Variants in TPTE observed in about 807,000 individuals in gnomAD.
TPTE encodes transmembrane phosphatase with tensin homology.
TPTE carries 59 observed loss-of-function variants against 84.1 expected under a neutral mutation model. The ratio of observed to expected loss-of-function variants is 0.70; its 90% CI spans 0.57 to 0.87. The LOEUF (loss-of-function observed/expected upper bound fraction) is 0.87, where lower values mean the gene tolerates loss of function less well. Among genes scored for constraint, TPTE ranks in the 40% least tolerant of loss-of-function variants. TPTE has a pLI of 0.00. For missense variants in TPTE, 382 were observed against 659.6 expected (o/e 0.58, Z 4.61); for synonymous variants, 130 against 223.5 (o/e 0.58, Z 3.73).
At chr21:10,542,722 AGG>A (rs2074393494) in intron 6 of TPTE, among the ~76,000 whole-genome samples, 73 of 152,384 alleles carry the variant, frequency 4.8e-4, no homozygotes, top group Admixed American at 4.6e-4. Context: ...ATTTACTCTC[AGG>A]AGCCTGCATG....
intron 19 of TPTE, among the ~76,000 whole-genome samples, chr21:10,594,831 C>T (rs2145785138): frequency 6.6e-6 from 1 of 152,430 alleles, no homozygotes; most frequent in Non-Finnish European, 1.5e-5. Flanking sequence ...AGAGTGCCCT[C>T]TGTGTCTGGT....
chr21:10,584,848 A>G (rs561787441), intron 17 of TPTE, among the ~76,000 whole-genome samples: 1 of 152,430 alleles, frequency 6.6e-6, no homozygotes, highest in South Asian at 2.1e-4. Context: ...ATCAAAGGAA[A>G]AGCTTTCAAC....
At chr21:10,550,359 C>T (rs184003680) in intron 7 of TPTE, among the ~76,000 whole-genome samples, 599 of 152,202 alleles carry the variant, frequency 3.9e-3, no homozygotes, top group Non-Finnish European at 6.2e-3. Flanking sequence ...GGTATAGAAA[C>T]ACATAGACTG....
chr21:10,549,173 C>A (rs2074526484), intron 7 of TPTE, among the ~76,000 whole-genome samples: 1 of 152,306 alleles, frequency 6.6e-6, no homozygotes, highest in Admixed American at 6.5e-5. Context: ...CATGTAGAAC[C>A]AAGGCCGGTA....
intron 14 of TPTE, among the ~76,000 whole-genome samples, chr21:10,570,929 A>G (rs973729160): frequency 2.0e-5 from 3 of 152,310 alleles, no homozygotes; most frequent in African/African-American, 7.2e-5. Flanking sequence ...CTCGACTGAA[A>G]GAGCCACTGC....
intron 8 of TPTE, among the ~76,000 whole-genome samples, chr21:10,553,727 T>TA (rs372757289): frequency 3.8e-3 from 580 of 152,168 alleles, no homozygotes; most frequent in African/African-American, 0.013. Context: ...GGATTTATAG[T>TA]AAAAGCTGGA....
intron 4 of TPTE, among the ~76,000 whole-genome samples, chr21:10,539,970 C>G (rs754976166): frequency 6.6e-6 from 1 of 152,308 alleles, no homozygotes; most frequent in African/African-American, 2.4e-5. Context: ...GATCATGCCA[C>G]TGCACTCCAG....
intron 21 of TPTE, among the ~76,000 whole-genome samples, chr21:10,599,582 G>A (rs2075651058): frequency 6.6e-6 from 1 of 152,302 alleles, no homozygotes; most frequent in Non-Finnish European, 1.5e-5. Context: ...CACTAAATAA[G>A]TGTTATATGT....
In TPTE at chr21:10,561,055, C is replaced by T. The variant is rs370278673; in HGVS notation, c.310C>T (p.Leu104=). Residue 104 remains leucine (L), a synonymous_variant, in exon 10 of 24, where the codon CTG becomes TTG. Coordinates refer to ENST00000618007, the MANE Select transcript of TPTE (RefSeq NM_199261.4). ...FGLFGVFLVL[L]DVTLILADLI... is the part of the protein sequence containing the mutation. The stretch of plus-strand genomic sequence containing the variant: ...ACTATTTGGAGTTTTCCTGGTCTTA[C>T]TGGATGTCACTCTCATCCTTGCCGA... 1.2e-6 allele frequency: 2 copies of T among 1,612,054 alleles called. No homozygotes were observed. Among genetic ancestry groups the T allele is most frequent in the East Asian group, 2.2e-5 (1 of 44,876 alleles).
intron 7 of TPTE, among the ~76,000 whole-genome samples, chr21:10,545,720 T>C (rs2074453848): frequency 6.6e-6 from 1 of 151,306 alleles, no homozygotes. Flanking sequence ...ATATGTAATA[T>C]ATATAGATAT....
At chr21:10,566,766 C>T (rs866620988) in intron 10 of TPTE, among the ~76,000 whole-genome samples, 17 of 152,412 alleles carry the variant, frequency 1.1e-4, no homozygotes, top group African/African-American at 3.6e-4. Flanking sequence ...CACCTGAAGT[C>T]GGGAGTTCGA....
At chr21:10,594,460 T>C (rs1372852951) in intron 19 of TPTE, among the ~76,000 whole-genome samples, 39 of 152,288 alleles carry the variant, frequency 2.6e-4, no homozygotes, top group African/African-American at 7.7e-4. Context: ...TCTTTGTTTG[T>C]AGTGAGTGCC....
At chr21:10,597,098 T>TA (rs571148958) in intron 20 of TPTE, among the ~76,000 whole-genome samples, 221 of 152,056 alleles carry the variant, frequency 1.5e-3, no homozygotes, top group African/African-American at 5.2e-3. Flanking sequence ...AGGAAAGCAA[T>TA]AAAAAAATTA....
At chr21:10,539,514 A>G (rs2074328285) in intron 4 of TPTE, among the ~76,000 whole-genome samples, 1 of 152,310 alleles carries the variant, frequency 6.6e-6, no homozygotes, top group African/African-American at 2.4e-5. Context: ...TGAATTTAAA[A>G]GAAATTCACC....
At chr21:10,569,821 C>A in intron 13 of TPTE, 75 bp downstream of exon 13, 1 of 1,612,942 alleles carries the variant, frequency 6.2e-7, no homozygotes, top group East Asian at 2.2e-5. Flanking sequence ...TTTGCCTCAT[C>A]TAAGACACAT....
At chr21:10,543,050 T>C (rs1600872762) in intron 6 of TPTE, among the ~76,000 whole-genome samples, 1 of 93,928 alleles carries the variant, frequency 1.1e-5, no homozygotes, top group Non-Finnish European at 1.8e-5. Context: ...TGAGACGGAG[T>C]CTCGCTCTGT....
chr21:10,539,546 C>T (rs983893136), intron 4 of TPTE, among the ~76,000 whole-genome samples: 187 of 152,360 alleles, frequency 1.2e-3, no homozygotes, highest in African/African-American at 4.4e-3. Flanking sequence ...GTCTGTCGTG[C>T]ATTGGCCAGC....
chr21:10,570,945 A>G (rs2075030175), intron 14 of TPTE, among the ~76,000 whole-genome samples: 1 of 152,310 alleles, frequency 6.6e-6, no homozygotes, highest in Admixed American at 6.5e-5. Context: ...ACTGCATGCT[A>G]AATGCACCCC....
intron 1 of TPTE, among the ~76,000 whole-genome samples, chr21:10,522,278 C>T (rs1041213227): frequency 6.6e-6 from 1 of 152,298 alleles, no homozygotes; most frequent in Non-Finnish European, 1.5e-5. Flanking sequence ...CCGCTCTTGG[C>T]CGTCACACTC....
Sources: allele counts gnomAD v4.1 joint callset (sites outside exome capture counted in the v4.1 genomes callset), GRCh38; gene constraint gnomAD v4.1.1; transcripts MANE v1.5; gene names NCBI Gene and HGNC (gene_info 2026-07-23, HGNC 2026-07-21).